Variants in MAPT observed in about 807,000 individuals in gnomAD.
MAPT encodes microtubule-associated protein tau.
A neutral mutation model predicts 67.9 loss-of-function variants in MAPT; 34 were observed. The observed-to-expected ratio is 0.50, with a 90% CI of 0.38 to 0.67. The LOEUF (loss-of-function observed/expected upper bound fraction) is 0.67. Ranked by LOEUF, MAPT falls within the 30% of genes least tolerant of loss-of-function variation. The pLI is 0.00. For missense variants in MAPT, 881 were observed against 1,115.2 expected (o/e 0.79, Z 2.99); for synonymous variants, 456 against 464.5 (o/e 0.98, Z 0.23).
At chr17:45,910,132 C>T (rs1322792344) in intron 1 of MAPT, among the ~76,000 whole-genome samples, 1 of 152,154 alleles carries the variant, frequency 6.6e-6, no homozygotes, top group South Asian at 2.1e-4. Flanking sequence ...TATGGGGGCA[C>T]TGGAAACACA....
At chr17:45,958,782 G>A (rs1441722575) in intron 1 of MAPT, among the ~76,000 whole-genome samples, 1 of 151,820 alleles carries the variant, frequency 6.6e-6, no homozygotes, top group East Asian at 1.9e-4. Flanking sequence ...AAAACATCAG[G>A]CCAGGCGCAG....
chr17:46,016,532 G>A (rs2076192194), intron 11 of MAPT, among the ~76,000 whole-genome samples: 1 of 152,196 alleles, frequency 6.6e-6, no homozygotes, highest in Non-Finnish European at 1.5e-5. Flanking sequence ...AGCACTTTGG[G>A]AGGCCAAGGC....
intron 1 of MAPT, 154 bp downstream of exon 1, chr17:45,894,840 G>C (rs920235134): frequency 1.0e-4 from 16 of 152,450 alleles, no homozygotes; most frequent in African/African-American, 3.4e-4. Context: ...CCTGCTCGGG[G>C]GCTGGGGCCA....
At chr17:45,978,320 G>A in intron 3 of MAPT, 55 bp from the exon 4 acceptor site, 1 of 1,414,426 alleles carries the variant, frequency 7.1e-7, no homozygotes, top group Non-Finnish European at 1.0e-6. Flanking sequence ...TTGGTTTCTA[G>A]TAAACAATAA....
chr17:45,963,548 G>T (rs2070698355), intron 2 of MAPT, among the ~76,000 whole-genome samples: 1 of 152,244 alleles, frequency 6.6e-6, no homozygotes. Context: ...CCCGAGGGCA[G>T]GATGGACTCA....
chr17:45,968,670 G>T (rs2071336784), intron 2 of MAPT, among the ~76,000 whole-genome samples: 1 of 152,176 alleles, frequency 6.6e-6, no homozygotes, highest in Admixed American at 6.5e-5. Flanking sequence ...TCTGCTAGGG[G>T]CCCTCCAGGA....
At chr17:46,017,973 A>C (rs2076290995) in intron 11 of MAPT, among the ~76,000 whole-genome samples, 1 of 151,478 alleles carries the variant, frequency 6.6e-6, no homozygotes, top group African/African-American at 2.4e-5. Context: ...GTGAAACCCC[A>C]TCTCTACTGA....
chr17:45,990,994 C>T (rs1325513801), intron 7 of MAPT, among the ~76,000 whole-genome samples: 1 of 152,190 alleles, frequency 6.6e-6, no homozygotes, highest in Non-Finnish European at 1.5e-5. Flanking sequence ...AGAACACGAC[C>T]TAGCTCTCTT....
At chr17:45,964,028 G>A (rs1341049541) in intron 2 of MAPT, among the ~76,000 whole-genome samples, 3 of 152,184 alleles carry the variant, frequency 2.0e-5, no homozygotes, top group East Asian at 1.9e-4. Context: ...GAGAGGGACC[G>A]GGGAATGCAG....
At chr17:45,965,139 G>A (rs1362337651) in intron 2 of MAPT, among the ~76,000 whole-genome samples, 1 of 152,048 alleles carries the variant, frequency 6.6e-6, no homozygotes, top group Non-Finnish European at 1.5e-5. Context: ...ATGATTAATA[G>A]TGCTGCTTTC....
intron 1 of MAPT, among the ~76,000 whole-genome samples, chr17:45,903,904 T>A (rs1236066796): frequency 3.7e-5 from 1 of 27,356 alleles, no homozygotes; most frequent in East Asian, 7.5e-4. Context: ...TTATATATAT[T>A]TATATATTAT....
At chr17:45,985,061 T>C (rs2073397539) in intron 5 of MAPT, among the ~76,000 whole-genome samples, 1 of 152,186 alleles carries the variant, frequency 6.6e-6, no homozygotes, top group Non-Finnish European at 1.5e-5. Context: ...CTCAGCACTT[T>C]GGGAGGCCAA....
chr17:45,992,013 T>C (rs998782566), intron 8 of MAPT, among the ~76,000 whole-genome samples: 1 of 152,100 alleles, frequency 6.6e-6, no homozygotes, highest in Admixed American at 6.5e-5. Context: ...CTCGAACGCC[T>C]GACCTCAGGT....
At position 45,996,685 on chromosome 17, in the gene MAPT, G is replaced by A. The variant is rs772302437; in HGVS notation, c.1998+21G>A. ...GGAAGGTGAGAGTGGCTGGCTGCGCGTGGAGGTGTGGGGGGCTGCGCCTGG... is the reference window on the plus strand; with the variant it reads ...GGAAGGTGAGAGTGGCTGGCTGCGCATGGAGGTGTGGGGGGCTGCGCCTGG... On this transcript the variant is annotated intron_variant, in intron 9 of 12. Coordinates refer to ENST00000262410, the MANE Select transcript of MAPT (RefSeq NM_001377265.1). The surrounding 1 kb of genome is among the most constrained non-coding windows in gnomAD (Gnocchi z 4.5). 109 of 1,611,864 alleles carry A rather than the reference G, an allele frequency of 6.8e-5. No individual in the cohort carries two copies. Among genetic ancestry groups the A allele is most frequent in the South Asian group, 4.4e-4 (40 of 90,896 alleles).
rs150983093 is a variant in MAPT at position 45,983,468 on chromosome 17, C to G, written c.889C>G (p.Arg297Gly). 2 of 1,608,100 alleles carry G rather than the reference C, an allele frequency of 1.2e-6. No homozygotes were observed. The highest frequency in any genetic ancestry group is 8.5e-7 in the Non-Finnish European group (1 of 1,176,610). The change falls in exon 5 of 13, where the codon CGC (arginine) becomes GGC (glycine). Residue 297 changes from arginine (R) to glycine (G), a missense_variant. Physicochemically the swap from Arg to Gly is moderately radical, Grantham distance 125. Transcript: ENST00000262410. ...GAGCAAGGAGGAGGTGGATGAAGAC[C>G]GCGACGTCGATGAGTCCTCCCCCCA... ...PGSKEEVDED[R>G]DVDESSPQDS... is the part of the protein sequence containing the mutation.
chr17:45,908,838 G>A (rs1374605972), intron 1 of MAPT, among the ~76,000 whole-genome samples: 1 of 152,222 alleles, frequency 6.6e-6, no homozygotes, highest in Non-Finnish European at 1.5e-5. Flanking sequence ...ACAAAGTGAA[G>A]ATACCATATG....
intron 1 of MAPT, among the ~76,000 whole-genome samples, chr17:45,901,355 G>C (rs947617028): frequency 1.3e-5 from 2 of 152,206 alleles, no homozygotes; most frequent in Non-Finnish European, 2.9e-5. Context: ...TAAAAAGTGA[G>C]GGCTGATCGA....
intron 3 of MAPT, chr17:45,974,253 G>C: frequency 2.8e-6 from 2 of 718,628 alleles, no homozygotes; most frequent in Non-Finnish European, 5.0e-6. Context: ...CCTACTTCAG[G>C]GCTGCTTTCT....
At chr17:45,924,688 C>G (rs560266187) in intron 1 of MAPT, among the ~76,000 whole-genome samples, 6 of 152,254 alleles carry the variant, frequency 3.9e-5, no homozygotes, top group Admixed American at 3.9e-4. Context: ...CTCCTGCCCA[C>G]TTGGAATAGT....
Sources: allele counts gnomAD v4.1 joint callset (sites outside exome capture counted in the v4.1 genomes callset), GRCh38; gene constraint gnomAD v4.1.1; non-coding constraint Gnocchi (gnomAD v3.1); transcripts MANE v1.5; gene names NCBI Gene and HGNC (gene_info 2026-07-23, HGNC 2026-07-21).